ERC1: variants seen among roughly 807,000 people sequenced by gnomAD.
The protein encoded by ERC1 is ELKS/RAB6-interacting/CAST family member 1.
A neutral mutation model predicts 132.0 loss-of-function variants in ERC1; 56 were observed. The ratio of observed to expected loss-of-function variants is 0.42; its 90% CI spans 0.34 to 0.53. The LOEUF (loss-of-function observed/expected upper bound fraction) is 0.53, where lower values mean the gene tolerates loss of function less well. Ranked by LOEUF, ERC1 falls within the 20% of genes least tolerant of loss-of-function variation. ERC1 has a pLI of 0.03. For missense variants in ERC1, 1,202 were observed against 1,349.9 expected (o/e 0.89, Z 1.72); for synonymous variants, 478 against 476.1 (o/e 1.00, Z -0.05).
intron 2 of ERC1, among the ~76,000 whole-genome samples, chr12:1,040,362 A>G (rs1969989177): frequency 7.0e-6 from 1 of 143,300 alleles, no homozygotes; most frequent in Non-Finnish European, 1.5e-5. Flanking sequence ...CGCTCTGTCA[A>G]CCAGGCTGGA....
intron 15 of ERC1, among the ~76,000 whole-genome samples, chr12:1,317,578 T>C (rs1008444569): frequency 2.6e-5 from 4 of 151,884 alleles, no homozygotes; most frequent in African/African-American, 9.7e-5. Flanking sequence ...CAAAAAAAAA[T>C]TGCTGCTGTT....
chr12:1,488,227 C>A (rs950963540), intron 18 of ERC1, among the ~76,000 whole-genome samples: 1 of 152,104 alleles, frequency 6.6e-6, no homozygotes, highest in Non-Finnish European at 1.5e-5. Context: ...GCGATTCCCC[C>A]ACCCTCAGCC....
rs140533693 is a variant in ERC1 at position 1,240,820 on chromosome 12, T to C, written c.2487+3916T>C. On this transcript the variant is annotated intron_variant, in intron 13 of 18. Transcript: ENST00000360905. ...TTCTTTTAAACTTTAATTTTACTTA[T>C]TTGTAATACTAATATATATACACTC... Among the ~76,000 whole-genome samples the C allele has an allele frequency of 4.6e-5, 7 of 152,248 alleles. No homozygotes were observed. In the East Asian group the frequency reaches 9.6e-4, roughly 21 times the overall value.
At chr12:1,108,824 G>A (rs185157629) in intron 4 of ERC1, among the ~76,000 whole-genome samples, 1 of 152,304 alleles carries the variant, frequency 6.6e-6, no homozygotes, top group East Asian at 1.9e-4. Flanking sequence ...CACGTGATGA[G>A]CAAGACAGAG....
At chr12:1,199,913 C>CTT (rs777919131) in intron 12 of ERC1, among the ~76,000 whole-genome samples, 13 of 144,650 alleles carry the variant, frequency 9.0e-5, no homozygotes, top group African/African-American at 2.8e-4. Flanking sequence ...GATTACATAA[C>CTT]TTTTTTTTTT....
chr12:1,182,488 A>T (rs2906118), intron 10 of ERC1, among the ~76,000 whole-genome samples: 14,944 of 152,176 alleles, frequency 0.098, 2,423 homozygotes, highest in African/African-American at 0.34. Context: ...TTGTTTTTGG[A>T]GAATCCTGTT....
At chr12:1,316,590 C>T (rs144655410) in intron 15 of ERC1, among the ~76,000 whole-genome samples, 10 of 152,072 alleles carry the variant, frequency 6.6e-5, no homozygotes, top group African/African-American at 2.2e-4. Flanking sequence ...GTTGTTAATG[C>T]GGGAGAGGAT....
intron 12 of ERC1, among the ~76,000 whole-genome samples, chr12:1,236,094 G>C (rs2075393157): frequency 6.6e-6 from 1 of 151,976 alleles, no homozygotes; most frequent in Non-Finnish European, 1.5e-5. Flanking sequence ...TCTTTATAAA[G>C]CTCAAAAACA....
chr12:1,476,123 G>T (rs1326273767), intron 18 of ERC1, among the ~76,000 whole-genome samples: 1 of 151,954 alleles, frequency 6.6e-6, no homozygotes, highest in Non-Finnish European at 1.5e-5. Context: ...AAATTAGCCT[G>T]GGGCCACCTG....
intron 14 of ERC1, among the ~76,000 whole-genome samples, chr12:1,286,461 TA>T (rs1246294338): frequency 3.3e-5 from 5 of 152,148 alleles, no homozygotes; most frequent in Non-Finnish European, 7.4e-5. Flanking sequence ...CTTAACTTAA[TA>T]AAGGGTATCT....
intron 15 of ERC1, among the ~76,000 whole-genome samples, chr12:1,329,013 AC>A (rs1429778267): frequency 6.9e-6 from 1 of 144,922 alleles, no homozygotes; most frequent in Non-Finnish European, 1.5e-5. Flanking sequence ...AGCCTTAGCG[AC>A]CAGGCACGGT....
chr12:1,463,707 G>GTGTGTGTGTGTGTGTGTGTGTGTT lies in ERC1; in HGVS notation c.3213+18980_3213+18981insTTGTGTGTGTGTGTGTGTGTGTGT, dbSNP rs1555113137. On this transcript the variant is annotated intron_variant, in intron 18 of 18. Coordinates refer to ENST00000360905, the MANE Select transcript of ERC1 (RefSeq NM_178040.4). ...GTTGGGGTGCTAAGACTGTGTGTGT[G>GTGTGTGTGTGTGTGTGTGTGTGTT]TGTGTGTGTGTGTGTGTGTGTGTGT... is the stretch of plus-strand genomic sequence containing the variant. Among the ~76,000 whole-genome samples the GTGTGTGTGTGTGTGTGTGTGTGTT allele has an allele frequency of 3.6e-3, 543 of 151,422 alleles. 3 individuals carry two copies. The highest frequency in any genetic ancestry group is 0.012 in the African/African-American group (511 of 41,012).
At position 1,074,500 on chromosome 12, in the gene ERC1, G is replaced by T. The variant is rs569179403; in HGVS notation, c.670-8664G>T. On this transcript the variant is annotated intron_variant, in intron 2 of 18. Transcript: ENST00000360905. ...TTTAGAGATGGGGTTTCACCATGTTGGTCAAACTGGTCTCAAACTCCCCCA... is the reference window on the plus strand; with the variant it reads ...TTTAGAGATGGGGTTTCACCATGTTTGTCAAACTGGTCTCAAACTCCCCCA... Among the ~76,000 whole-genome samples the T allele has an allele frequency of 5.9e-5, 9 of 151,910 alleles. No homozygotes were observed. The East Asian group carries it at 1.6e-3, about 26-fold the overall frequency.
intron 15 of ERC1, among the ~76,000 whole-genome samples, chr12:1,348,024 T>C (rs1462833305): frequency 3.3e-5 from 5 of 152,178 alleles, no homozygotes; most frequent in African/African-American, 7.2e-5. Context: ...ACAGGTTTCT[T>C]GTATGTCTCT....
intron 8 of ERC1, among the ~76,000 whole-genome samples, chr12:1,176,454 A>G (rs1953730396): frequency 6.6e-6 from 1 of 152,152 alleles, no homozygotes; most frequent in African/African-American, 2.4e-5. Flanking sequence ...ATAATTCCAC[A>G]GGCCCTAGGA....
intron 14 of ERC1, among the ~76,000 whole-genome samples, chr12:1,265,057 T>C (rs1166580621): frequency 6.6e-6 from 1 of 152,218 alleles, no homozygotes; most frequent in Non-Finnish European, 1.5e-5. Flanking sequence ...CCTAGATAAA[T>C]ACCTTGTCTA....
intron 18 of ERC1, among the ~76,000 whole-genome samples, chr12:1,459,781 C>G (rs183632802): frequency 2.6e-5 from 4 of 152,250 alleles, no homozygotes; most frequent in Non-Finnish European, 5.9e-5. Flanking sequence ...CCATCTAAAC[C>G]AAGTGATTAA....
rs372772250 is a variant in ERC1, at chr12:1,447,673, AG to A, written c.3213+2924del. ...TTGTTTTTGTTTTTGTTTTGGAGAC[AG>A]AGTCTCGCTCTGTCACCCAGGCTGG... On this transcript the variant is annotated intron_variant, in intron 18 of 18. Coordinates refer to ENST00000360905, the MANE Select transcript of ERC1 (RefSeq NM_178040.4). Among the ~76,000 whole-genome samples, 31 of 150,368 alleles carry A rather than the reference AG, an allele frequency of 2.1e-4. No individual in the cohort carries two copies. The East Asian group carries it at 5.5e-3, about 27-fold the overall frequency.
intron 2 of ERC1, among the ~76,000 whole-genome samples, chr12:1,067,789 C>T (rs1338465893): frequency 6.6e-6 from 1 of 152,082 alleles, no homozygotes; most frequent in Non-Finnish European, 1.5e-5. Flanking sequence ...ATCAGCACAG[C>T]TTTGTTATAA....
Sources: gnomAD v4.1 joint callset for allele counts (sites outside exome capture counted in the v4.1 genomes callset) on GRCh38, gnomAD v4.1.1 for gene constraint, MANE v1.5 for transcripts, NCBI Gene and HGNC (gene_info 2026-07-23, HGNC 2026-07-21) for gene names.